The following VWF variants were observed in gnomAD, a reference collection of about 807,000 sequenced individuals.
VWF encodes the protein von Willebrand factor, also known as Factor VIII related antigen.
Under a neutral mutation model 308.6 loss-of-function variants are expected in VWF, and 176 were observed. The ratio of observed to expected loss-of-function variants is 0.57; its 90% CI spans 0.50 to 0.65. The LOEUF (loss-of-function observed/expected upper bound fraction) is 0.65. VWF is among the 30% of genes least tolerant of loss of function. The pLI, the probability that VWF is intolerant of heterozygous loss-of-function variation, is 0.00. For missense variants in VWF, 3,146 were observed against 3,648.2 expected (o/e 0.86, Z 3.55); for synonymous variants, 1,385 against 1,443.4 (o/e 0.96, Z 0.92).
rs997180460 is a variant in VWF at position 5,966,739 on chromosome 12, C to T, written c.7887+747G>A. Among the ~76,000 whole-genome samples the T allele has an allele frequency of 2.2e-4, 33 of 152,328 alleles. 1 individual carries two copies. Among genetic ancestry groups the T allele is most frequent in the Admixed American group, 6.5e-4 (10 of 15,304 alleles). ...CCATCGCCATAGTTCATGCATCTAG[C>T]TCACAAGAGACTCCTCTGACCAATG... On this transcript the variant is annotated intron_variant, in intron 47 of 51. Coordinates refer to ENST00000261405, the MANE Select transcript of VWF (RefSeq NM_000552.5).
At chr12:6,064,176 G>C in intron 12 of VWF, 70 bp downstream of exon 12, 3 of 1,611,524 alleles carry the variant, frequency 1.9e-6, no homozygotes, top group East Asian at 4.5e-5. Context: ...CAGTGGCCAG[G>C]GTTGAGAAGG....
chr12:6,039,651 G>A (rs552422260), intron 18 of VWF, among the ~76,000 whole-genome samples: 1 of 152,168 alleles, frequency 6.6e-6, no homozygotes, highest in Non-Finnish European at 1.5e-5. Context: ...AAGCCCGACT[G>A]AGTGACAAAT....
intron 51 of VWF, 86 bp from the exon 52 acceptor site, chr12:5,949,289 C>G: frequency 7.1e-7 from 1 of 1,416,096 alleles, no homozygotes. Context: ...TGCTTTCTCC[C>G]TGACCCCCTC....
chr12:6,051,406 C>A (rs1488701209), intron 16 of VWF, among the ~76,000 whole-genome samples: 1 of 151,682 alleles, frequency 6.6e-6, no homozygotes, highest in African/African-American at 2.4e-5. Flanking sequence ...ATTCTCCTGC[C>A]TCAGCCTCCC....
chr12:6,092,515 T>TTGTGTGTG (rs66551998), intron 6 of VWF, among the ~76,000 whole-genome samples: 4 of 131,860 alleles, frequency 3.0e-5, no homozygotes, highest in Non-Finnish European at 4.7e-5. Context: ...TAGTATGTGT[T>TTGTGTGTG]TGTCTGTGTG....
intron 47 of VWF, 57 bp from the exon 48 acceptor site, chr12:5,953,651 G>T (rs1458731985): frequency 5.6e-6 from 8 of 1,418,388 alleles, no homozygotes; most frequent in Non-Finnish European, 8.0e-6. Flanking sequence ...CATCCCAATT[G>T]TAAGTAGGCT....
intron 34 of VWF, among the ~76,000 whole-genome samples, chr12:6,006,008 G>T (rs1943921992): frequency 6.6e-6 from 1 of 151,898 alleles, no homozygotes; most frequent in African/African-American, 2.4e-5. Context: ...TTGAATTCTG[G>T]TATAGTACTT....
At chr12:5,984,746 T>C (rs1591843246) in intron 40 of VWF, among the ~76,000 whole-genome samples, 2 of 152,372 alleles carry the variant, frequency 1.3e-5, no homozygotes, top group African/African-American at 4.8e-5. Context: ...AAAATGAAAA[T>C]GGGTTGCTTT....
intron 51 of VWF, 96 bp from the exon 52 acceptor site, chr12:5,949,299 C>T: frequency 3.8e-6 from 5 of 1,316,356 alleles, no homozygotes; most frequent in Non-Finnish European, 5.3e-6. Context: ...CTGACCCCCT[C>T]CAAGCAAGGC....
chr12:6,096,769 G>C (rs1945109702), intron 5 of VWF, among the ~76,000 whole-genome samples: 1 of 152,172 alleles, frequency 6.6e-6, no homozygotes, highest in African/African-American at 2.4e-5. Context: ...CAAAGTAATT[G>C]CGTAATCTGT....
chr12:5,979,855 C>T (rs1244546376), intron 42 of VWF, among the ~76,000 whole-genome samples: 1 of 150,722 alleles, frequency 6.6e-6, no homozygotes, highest in Non-Finnish European at 1.5e-5. Context: ...TCCTGGCTAA[C>T]ACAGTGAAAC....
In VWF at chr12:5,951,041, C is replaced by G. The variant is rs940892911; in HGVS notation, c.8155+803G>C. 2.0e-5 allele frequency among the ~76,000 whole-genome samples: 3 copies of G among 151,906 alleles called. No homozygotes were observed. The South Asian group carries it at 6.3e-4, about 32-fold the overall frequency. On this transcript the variant is annotated intron_variant, in intron 50 of 51. Coordinates refer to ENST00000261405, the MANE Select transcript of VWF (RefSeq NM_000552.5). ...CACTCTTCCTTTCTCTATCTGTAAA[C>G]AAGCATGGACCTGTGAACCCAGGGC...
intron 43 of VWF, among the ~76,000 whole-genome samples, chr12:5,974,979 C>G (rs1943517448): frequency 6.6e-6 from 1 of 152,230 alleles, no homozygotes; most frequent in Non-Finnish European, 1.5e-5. Context: ...GACCTCTAAG[C>G]AGCACTCTCT....
chr12:6,006,010 A>G (rs1450214249), intron 34 of VWF, among the ~76,000 whole-genome samples: 1 of 152,064 alleles, frequency 6.6e-6, no homozygotes, highest in Non-Finnish European at 1.5e-5. Context: ...GAATTCTGGT[A>G]TAGTACTTAA....
chr12:6,066,480 A>G (rs887592434), intron 10 of VWF, among the ~76,000 whole-genome samples: 5 of 152,246 alleles, frequency 3.3e-5, no homozygotes, highest in African/African-American at 1.2e-4. Context: ...TCTACGGTGC[A>G]TGTGTGAGTT....
At chr12:5,977,313 A>C (rs931136483) in intron 42 of VWF, among the ~76,000 whole-genome samples, 8 of 152,240 alleles carry the variant, frequency 5.3e-5, no homozygotes, top group African/African-American at 1.7e-4. Flanking sequence ...TAATAGCAAA[A>C]GGCTGAAGCA....
In VWF at chr12:5,994,709, G is replaced by A. The variant is rs1036759322; in HGVS notation, c.6064-102C>T. 6.1e-6 allele frequency: 6 copies of A among 990,122 alleles called. No individual in the cohort carries two copies. In the African/African-American group the frequency reaches 7.9e-5, roughly 13 times the overall value. The allele number at this position is 990,122 out of a possible 1,614,324, so 61.3% of individuals were successfully genotyped here. On this transcript the variant is annotated intron_variant, in intron 35 of 51. Transcript: ENST00000261405. The stretch of plus-strand genomic sequence containing the variant: ...TCCTGCACATTCATCACACTCAACT[G>A]CAACATCAGCCACAAACCTTGATAT...
At chr12:6,047,844 G>A (rs1387075316) in intron 16 of VWF, among the ~76,000 whole-genome samples, 1 of 152,152 alleles carries the variant, frequency 6.6e-6, no homozygotes. Context: ...ATTGACATAG[G>A]TTGTCACCTG....
intron 44 of VWF, 82 bp from the exon 45 acceptor site, chr12:5,969,473 G>T: frequency 1.9e-6 from 3 of 1,559,862 alleles, no homozygotes. Context: ...CTTCTCTCAG[G>T]AAGGTGGTTT....
Sources: gnomAD v4.1 joint callset for allele counts (sites outside exome capture counted in the v4.1 genomes callset) on GRCh38, gnomAD v4.1.1 for gene constraint, MANE v1.5 for transcripts, NCBI Gene and HGNC (gene_info 2026-07-23, HGNC 2026-07-21) for gene names.